Variants in ATP2B2 observed in about 807,000 individuals in gnomAD.
ATP2B2 encodes plasma membrane calcium-transporting ATPase 2.
In ATP2B2, 15 loss-of-function variants were observed where a neutral mutation model predicts 120.0. The ratio of observed to expected loss-of-function variants is 0.12; its 90% CI spans 0.08 to 0.19. The LOEUF is 0.19. ATP2B2 is among the 10% of genes least tolerant of loss of function. The pLI, the probability that ATP2B2 is intolerant of heterozygous loss-of-function variation, is 1.00. For missense variants in ATP2B2, 1,045 were observed against 1,719.8 expected (o/e 0.61, Z 6.94); for synonymous variants, 694 against 700.3 (o/e 0.99, Z 0.14).
intron 2 of ATP2B2, among the ~76,000 whole-genome samples, chr3:10,564,120 C>T (rs1217496485): frequency 6.6e-6 from 1 of 152,210 alleles, no homozygotes; most frequent in Non-Finnish European, 1.5e-5. Flanking sequence ...GGCTCTGAGG[C>T]TTAGAATCTC....
chr3:10,484,602 G>A (rs1352907657), intron 1 of ATP2B2, among the ~76,000 whole-genome samples: 13 of 152,094 alleles, frequency 8.5e-5, no homozygotes, highest in Admixed American at 8.5e-4. Flanking sequence ...CTTGCCAGTG[G>A]GCTGGTCTCT....
At chr3:10,426,991 T>C (rs368730203) in intron 2 of ATP2B2, among the ~76,000 whole-genome samples, 1 of 152,242 alleles carries the variant, frequency 6.6e-6, no homozygotes, top group South Asian at 2.1e-4. Context: ...ACATCTGTGA[T>C]TGCATCTGAG....
chr3:10,491,545 T>A (rs1056337308), intron 1 of ATP2B2, among the ~76,000 whole-genome samples: 2 of 152,098 alleles, frequency 1.3e-5, no homozygotes, highest in Admixed American at 1.3e-4. Flanking sequence ...CACTCCTTAA[T>A]GGGGCCCATA....
intron 12 of ATP2B2, among the ~76,000 whole-genome samples, chr3:10,364,810 T>C (rs1158089712): frequency 6.6e-6 from 1 of 152,232 alleles, no homozygotes; most frequent in African/African-American, 2.4e-5. Context: ...TGATGATTTT[T>C]CTAAGAGGCC....
chr3:10,590,783 G>A (rs2068625650), intron 2 of ATP2B2, among the ~76,000 whole-genome samples: 2 of 152,184 alleles, frequency 1.3e-5, no homozygotes, highest in Admixed American at 1.3e-4. Context: ...GGAAGAGCCT[G>A]AAGCATGTGC....
intron 2 of ATP2B2, among the ~76,000 whole-genome samples, chr3:10,425,780 G>C (rs986203257): frequency 2.0e-5 from 3 of 152,148 alleles, no homozygotes; most frequent in Non-Finnish European, 4.4e-5. Context: ...CACCATCCTT[G>C]CTCACCTGGA....
chr3:10,492,388 TAC>T (rs1417599574), intron 1 of ATP2B2, among the ~76,000 whole-genome samples: 1 of 152,166 alleles, frequency 6.6e-6, no homozygotes, highest in Non-Finnish European at 1.5e-5. Context: ...AGCTGGAAAG[TAC>T]ACAGTGGAGC....
rs1211251049 is a variant in ATP2B2, at chr3:10,358,723, C to T, written c.2104G>A (p.Val702Met). 8.1e-6 allele frequency: 13 copies of T among 1,614,110 alleles called. No individual in the cohort carries two copies. Among genetic ancestry groups the T allele is most frequent in the East Asian group, 2.2e-5 (1 of 44,890 alleles). ...CGCACCGGGTCCTCGATGCCCACCA[C>T]GCAGATGCAGGTGAGTTCGTTGAGG... ...DILNELTCIC[V>M]VGIEDPVRPE... The change falls in exon 14 of 23, where the codon GTG becomes ATG. Residue 702 changes from valine to methionine, a missense_variant. Physicochemically the swap from Val to Met is conservative, Grantham distance 21. Around this residue, in one of 11 missense-constraint regions of ATP2B2, gnomAD observed 343 missense variants for 536.8 expected, o/e 0.64. Coordinates refer to ENST00000360273, the MANE Select transcript of ATP2B2 (RefSeq NM_001001331.4).
chr3:10,705,619 A>C (rs114312056), intron 1 of ATP2B2, among the ~76,000 whole-genome samples: 3 of 152,242 alleles, frequency 2.0e-5, no homozygotes, highest in African/African-American at 7.2e-5. Flanking sequence ...CCAGCAGGTC[A>C]GTAGCAGAGG....
intron 1 of ATP2B2, among the ~76,000 whole-genome samples, chr3:10,667,445 C>T (rs1389761373): frequency 6.6e-6 from 1 of 152,156 alleles, no homozygotes; most frequent in Non-Finnish European, 1.5e-5. Flanking sequence ...AGCCAGGTAG[C>T]AGGGAAAGGC....
intron 2 of ATP2B2, among the ~76,000 whole-genome samples, chr3:10,558,812 C>A (rs1321948909): frequency 6.6e-6 from 1 of 151,880 alleles, no homozygotes; most frequent in East Asian, 1.9e-4. Flanking sequence ...GAGGGGAGAG[C>A]ACGGAATAAC....
chr3:10,471,676 C>A (rs528538597), intron 1 of ATP2B2, among the ~76,000 whole-genome samples: 4 of 151,818 alleles, frequency 2.6e-5, no homozygotes, highest in Admixed American at 2.6e-4. Flanking sequence ...AGGAAGGTGA[C>A]GAATATGTTA....
chr3:10,540,609 T>C (rs2067416367), intron 2 of ATP2B2, among the ~76,000 whole-genome samples: 1 of 151,620 alleles, frequency 6.6e-6, no homozygotes, highest in South Asian at 2.1e-4. Flanking sequence ...CTGAGCAAAC[T>C]GTTGCAAGGA....
intron 1 of ATP2B2, among the ~76,000 whole-genome samples, chr3:10,654,311 C>A (rs1273168393): frequency 6.6e-6 from 1 of 152,156 alleles, no homozygotes; most frequent in African/African-American, 2.4e-5. Flanking sequence ...TTCTCTAGGG[C>A]AGTATCGGTT....
At chr3:10,678,371 TG>T (rs2071296615) in intron 1 of ATP2B2, among the ~76,000 whole-genome samples, 3 of 152,206 alleles carry the variant, frequency 2.0e-5, no homozygotes, top group Non-Finnish European at 4.4e-5. Flanking sequence ...GCGTGAGAGA[TG>T]TGCCCGGCAC....
chr3:10,385,404 T>C (rs1436433278), intron 7 of ATP2B2, 77 bp from the exon 8 acceptor site: 2 of 1,295,042 alleles, frequency 1.5e-6, no homozygotes, highest in Non-Finnish European at 2.2e-6. Context: ...ATGAACCAAC[T>C]TGTGGGGAGA....
chr3:10,326,267 G>A lies in ATP2B2; in HGVS notation c.*2547C>T, dbSNP rs1255384230. 2 of 154,840 alleles carry A rather than the reference G, an allele frequency of 1.3e-5. No individual in the cohort carries two copies. The highest frequency in any genetic ancestry group is 3.8e-4 in the East Asian group (2 of 5,276). 9.6% of individuals were successfully genotyped at this position (154,840 alleles called of 1,614,324 possible). On this transcript the variant is annotated 3_prime_UTR_variant, in exon 23 of 23. Transcript: ENST00000360273. ...GACAAACCAACCATTTCGTGTGTGT[G>A]TGTGTGTATGTGTGCAAGTGTGAGA...
intron 2 of ATP2B2, among the ~76,000 whole-genome samples, chr3:10,431,852 G>A (rs1337753438): frequency 6.6e-6 from 1 of 152,106 alleles, no homozygotes; most frequent in Non-Finnish European, 1.5e-5. Context: ...AAGGGGGTGG[G>A]CTGGCACCCT....
chr3:10,484,650 T>G (rs113343808), intron 1 of ATP2B2, among the ~76,000 whole-genome samples: 5,814 of 152,182 alleles, frequency 0.038, 375 homozygotes, highest in African/African-American at 0.13. Context: ...CCTCACATCC[T>G]GCAGGGCCCC....
Sources: allele counts gnomAD v4.1 joint callset (sites outside exome capture counted in the v4.1 genomes callset), GRCh38; gene constraint gnomAD v4.1.1; regional missense constraint gnomAD v4.1.1; transcripts MANE v1.5; gene names NCBI Gene and HGNC (gene_info 2026-07-23, HGNC 2026-07-21).